DNAH7: variants seen among roughly 807,000 people sequenced by gnomAD.
DNAH7 encodes dynein axonemal heavy chain 7.
DNAH7 carries 397 observed loss-of-function variants against 444.6 expected under a neutral mutation model. The observed-to-expected ratio is 0.89, with a 90% CI of 0.82 to 0.97. The LOEUF is 0.97. DNAH7 is among the 50% of genes least tolerant of loss of function. The probability of loss-of-function intolerance (pLI) is 0.00; values close to 1 mark genes in which losing one functional copy is unlikely to be tolerated. For synonymous variants in DNAH7, 1,636 were observed against 1,624.4 expected (o/e 1.01, Z -0.17); for missense variants, 4,902 against 4,800.8 (o/e 1.02, Z -0.62).
At chr2:196,039,829 G>A (rs1696632251) in intron 5 of DNAH7, among the ~76,000 whole-genome samples, 1 of 149,118 alleles carries the variant, frequency 6.7e-6, no homozygotes, top group Non-Finnish European at 1.5e-5. Flanking sequence ...TCAAAATTTA[G>A]TTTTTTAAAA....
intron 1 of DNAH7, among the ~76,000 whole-genome samples, chr2:196,059,736 G>A (rs1389647778): frequency 6.6e-6 from 1 of 152,134 alleles, no homozygotes; most frequent in Admixed American, 6.6e-5. Context: ...CAAACTTTCA[G>A]GATCCCAGCA....
chr2:195,975,486 G>A (rs1450719443), intron 15 of DNAH7, among the ~76,000 whole-genome samples: 2 of 152,172 alleles, frequency 1.3e-5, no homozygotes, highest in East Asian at 3.9e-4. Flanking sequence ...AACTTGAAAG[G>A]CAGTCTAGGC....
chr2:195,921,182 C>T (rs1472833415), intron 24 of DNAH7, among the ~76,000 whole-genome samples: 3 of 152,140 alleles, frequency 2.0e-5, no homozygotes, highest in African/African-American at 4.8e-5. Context: ...AGTAGATCTA[C>T]CATTTGATCA....
At chr2:196,015,118 T>G (rs1694936698) in intron 9 of DNAH7, among the ~76,000 whole-genome samples, 1 of 152,184 alleles carries the variant, frequency 6.6e-6, no homozygotes, top group Admixed American at 6.5e-5. Context: ...TTACCTGTAA[T>G]TTGTAATTAT....
chr2:195,740,316 A>G (rs1357589750), intron 64 of DNAH7, among the ~76,000 whole-genome samples: 1 of 152,186 alleles, frequency 6.6e-6, no homozygotes, highest in Non-Finnish European at 1.5e-5. Flanking sequence ...GATGCGCCTC[A>G]TAGAGAAAAT....
At chr2:195,843,862 T>G (rs761784232) in intron 47 of DNAH7, among the ~76,000 whole-genome samples, 5 of 152,172 alleles carry the variant, frequency 3.3e-5, no homozygotes, top group African/African-American at 1.2e-4. Flanking sequence ...TTTGGGAGGC[T>G]GAGGCGGGCA....
At chr2:195,892,257 T>A (rs1350111812) in intron 30 of DNAH7, among the ~76,000 whole-genome samples, 3 of 152,160 alleles carry the variant, frequency 2.0e-5, no homozygotes, top group Non-Finnish European at 4.4e-5. Flanking sequence ...TTTATTGGCA[T>A]TACGAAAAAA....
chr2:195,840,511 T>C (rs1364451918), intron 47 of DNAH7, among the ~76,000 whole-genome samples: 3 of 151,618 alleles, frequency 2.0e-5, no homozygotes, highest in African/African-American at 7.3e-5. Flanking sequence ...TGCAATAAGC[T>C]AAGAAAAAGA....
At chr2:195,946,332 T>C (rs911100384) in intron 19 of DNAH7, among the ~76,000 whole-genome samples, 1 of 152,012 alleles carries the variant, frequency 6.6e-6, no homozygotes, top group Non-Finnish European at 1.5e-5. Flanking sequence ...TAAAGAGACA[T>C]ACACAACAAA....
intron 19 of DNAH7, among the ~76,000 whole-genome samples, chr2:195,953,108 G>T (rs1176708751): frequency 6.6e-6 from 1 of 152,084 alleles, no homozygotes; most frequent in Non-Finnish European, 1.5e-5. Flanking sequence ...ACCTTCGGAT[G>T]GGGTTTTTGT....
chr2:196,038,003 T>C (rs1447950179), intron 5 of DNAH7, among the ~76,000 whole-genome samples: 1 of 152,086 alleles, frequency 6.6e-6, no homozygotes, highest in Non-Finnish European at 1.5e-5. Context: ...GAAAACTTGC[T>C]GTAAAATTTT....
chr2:195,834,710 G>C (rs1368864098), intron 47 of DNAH7, among the ~76,000 whole-genome samples: 1 of 152,222 alleles, frequency 6.6e-6, no homozygotes, highest in Non-Finnish European at 1.5e-5. Context: ...GGAAACTCCA[G>C]TTCTTCACTA....
At chr2:195,808,921 A>G in intron 52 of DNAH7, 45 bp from the exon 53 acceptor site, 1 of 1,530,392 alleles carries the variant, frequency 6.5e-7, no homozygotes, top group Non-Finnish European at 8.9e-7. Flanking sequence ...CGAGTTCATC[A>G]TAAACTAGTA....
At chr2:195,804,543 A>C (rs1696619835) in intron 54 of DNAH7, among the ~76,000 whole-genome samples, 1 of 152,226 alleles carries the variant, frequency 6.6e-6, no homozygotes, top group Non-Finnish European at 1.5e-5. Context: ...AACACATGAA[A>C]ACTTACTTCT....
rs1029460034 is a variant in DNAH7, at chr2:195,991,440, A to G, written c.1354-3211T>C. Among the ~76,000 whole-genome samples the G allele has an allele frequency of 1.6e-4, 25 of 152,374 alleles. No homozygotes were observed. The Middle Eastern group carries it at 0.01, about 62-fold the overall frequency. On this transcript the variant is annotated intron_variant, in intron 12 of 64. Coordinates refer to ENST00000312428, the MANE Select transcript of DNAH7 (RefSeq NM_018897.3). ...TGCAATTTTATTTACAGATCTATAC[A>G]TAAACAAAAGTGAAAACAAGAACCA...
chr2:195,873,636 GATTGTT>G lies in DNAH7; in HGVS notation c.6339_6344del (p.Thr2114_Ile2115del), dbSNP rs758469038. 126 of 1,530,936 alleles carry G rather than the reference GATTGTT, an allele frequency of 8.2e-5. No individual in the cohort carries two copies. In the Admixed American group the frequency reaches 9.7e-4, roughly 12 times the overall value. The allele number at this position is 1,530,936 out of a possible 1,614,324, so 94.8% of individuals were successfully genotyped here. On this transcript the variant is annotated inframe_deletion, in exon 39 of 65. Transcript: ENST00000312428. ...ACATGGATTTATCACTAAACTCATT[GATTGTT>G]ATAATATTGAAATGTCGCATGTATC...
At chr2:195,859,753 G>A (rs550486478) in intron 42 of DNAH7, among the ~76,000 whole-genome samples, 16 of 152,278 alleles carry the variant, frequency 1.1e-4, no homozygotes, top group Non-Finnish European at 2.1e-4. Context: ...GGAACAGAGG[G>A]GACCGAATGT....
At chr2:195,787,292 CCAAATTACAATTATA>C in intron 57 of DNAH7, 121 bp from the exon 58 acceptor site, 5 of 1,029,274 alleles carry the variant, frequency 4.9e-6, no homozygotes, top group Non-Finnish European at 6.9e-6. Context: ...CATATTCATC[CCAAATTACAATTATA>C]ACAGAGTTAA....
chr2:195,756,258 C>G lies in DNAH7; in HGVS notation c.11461G>C (p.Glu3821Gln), dbSNP rs912868412. The G allele has an allele frequency of 6.2e-6, 10 of 1,613,318 alleles. No homozygotes were observed. The highest frequency in any genetic ancestry group is 8.5e-6 in the Non-Finnish European group (10 of 1,179,574). Residue 3821 changes from glutamate to glutamine, a missense_variant, in exon 62 of 65, where the codon GAA becomes CAA. Coordinates refer to ENST00000312428, the MANE Select transcript of DNAH7 (RefSeq NM_018897.3). ...TTCAAAATGCTGCTAACCACTTCTT[C>G]AAGATCTGTAGACATGACTGCAAGC... Reference protein sequence around the residue: ...KGLAVMSTDLEEVVSSILNVK... With the variant: ...KGLAVMSTDLQEVVSSILNVK...
Sources: allele counts gnomAD v4.1 joint callset (sites outside exome capture counted in the v4.1 genomes callset), GRCh38; gene constraint gnomAD v4.1.1; transcripts MANE v1.5; gene names NCBI Gene and HGNC (gene_info 2026-07-23, HGNC 2026-07-21).